The following NEK10 variants were observed in gnomAD, a reference collection of about 807,000 sequenced individuals.
NEK10 encodes serine/threonine-protein kinase Nek10.
Under a neutral mutation model 159.8 loss-of-function variants are expected in NEK10, and 122 were observed. The observed-to-expected ratio is 0.76, with a 90% CI of 0.66 to 0.89. NEK10 has a LOEUF of 0.89. NEK10 is among the 40% of genes least tolerant of loss of function. The probability of loss-of-function intolerance (pLI) is 0.00; values close to 1 mark genes in which losing one functional copy is unlikely to be tolerated. For missense variants in NEK10, 1,342 were observed against 1,323.1 expected (o/e 1.01, Z -0.22); for synonymous variants, 466 against 457.1 (o/e 1.02, Z -0.25).
At chr3:27,199,784 A>C (rs887215149) in intron 25 of NEK10, among the ~76,000 whole-genome samples, 1 of 152,236 alleles carries the variant, frequency 6.6e-6, no homozygotes, top group African/African-American at 2.4e-5. Flanking sequence ...AGCCATAAAA[A>C]GCAACAACAT....
intron 5 of NEK10, among the ~76,000 whole-genome samples, chr3:27,338,459 G>C (rs1328240155): frequency 6.6e-6 from 1 of 152,192 alleles, no homozygotes; most frequent in South Asian, 2.1e-4. Flanking sequence ...CAGTAATGGG[G>C]ATTGCTGGGT....
chr3:27,173,124 GTTAT>G (rs1339614946), intron 28 of NEK10, among the ~76,000 whole-genome samples: 2 of 152,220 alleles, frequency 1.3e-5, no homozygotes, highest in Non-Finnish European at 2.9e-5. Flanking sequence ...GTTACAAATT[GTTAT>G]TTATTTGTCA....
intron 26 of NEK10, among the ~76,000 whole-genome samples, chr3:27,190,648 C>T (rs1217527663): frequency 6.6e-6 from 1 of 152,150 alleles, no homozygotes. Context: ...ATGACTCTTT[C>T]ACATACAACT....
chr3:27,260,912 C>T (rs932189463), intron 22 of NEK10, among the ~76,000 whole-genome samples: 4 of 152,130 alleles, frequency 2.6e-5, no homozygotes, highest in African/African-American at 4.8e-5. Flanking sequence ...TGTTATTGGT[C>T]TATTCAGAGA....
At chr3:27,131,215 C>A (rs1348300497) in intron 32 of NEK10, among the ~76,000 whole-genome samples, 1 of 152,096 alleles carries the variant, frequency 6.6e-6, no homozygotes, top group Non-Finnish European at 1.5e-5. Flanking sequence ...CTAGGTGGGC[C>A]TGAATTGCTT....
At chr3:27,112,269 T>C (rs1939678071) in intron 35 of NEK10, among the ~76,000 whole-genome samples, 1 of 152,200 alleles carries the variant, frequency 6.6e-6, no homozygotes, top group African/African-American at 2.4e-5. Flanking sequence ...GGCACCTCTC[T>C]ATTCTCTTCC....
intron 1 of NEK10, among the ~76,000 whole-genome samples, chr3:27,367,048 G>T (rs763697369): frequency 2.6e-5 from 4 of 152,098 alleles, no homozygotes; most frequent in African/African-American, 4.8e-5. Context: ...GACCTCAGGT[G>T]ATCCACCCAC....
At chr3:27,124,363 T>C (rs1291221814) in intron 32 of NEK10, among the ~76,000 whole-genome samples, 2 of 152,042 alleles carry the variant, frequency 1.3e-5, no homozygotes, top group Non-Finnish European at 2.9e-5. Flanking sequence ...AAGGAAGGAA[T>C]GGATATGGAA....
At chr3:27,361,568 G>A (rs553022015) in intron 1 of NEK10, among the ~76,000 whole-genome samples, 5 of 152,240 alleles carry the variant, frequency 3.3e-5, no homozygotes, top group Admixed American at 2.6e-4. Flanking sequence ...ATTACTCCAA[G>A]AAATATTTAT....
intron 5 of NEK10, among the ~76,000 whole-genome samples, chr3:27,333,581 A>C (rs1020561893): frequency 6.6e-6 from 1 of 151,770 alleles, no homozygotes; most frequent in Non-Finnish European, 1.5e-5. Context: ...TCTTCAATAG[A>C]CTGAATGCTA....
chr3:27,235,774 G>A (rs1953840619), intron 23 of NEK10, among the ~76,000 whole-genome samples: 1 of 151,976 alleles, frequency 6.6e-6, no homozygotes, highest in African/African-American at 2.4e-5. Flanking sequence ...TATACCCAAA[G>A]GAATAGAAAT....
intron 31 of NEK10, among the ~76,000 whole-genome samples, chr3:27,139,294 C>A (rs145452276): frequency 6.6e-6 from 1 of 152,280 alleles, no homozygotes; most frequent in Non-Finnish European, 1.5e-5. Context: ...CACTCTGTGT[C>A]TGAGAACATG....
chr3:27,115,014 C>T (rs970298545), intron 35 of NEK10, among the ~76,000 whole-genome samples: 2 of 152,188 alleles, frequency 1.3e-5, no homozygotes, highest in Non-Finnish European at 2.9e-5. Flanking sequence ...AATACCTGCA[C>T]TTCTTTTCCT....
intron 22 of NEK10, among the ~76,000 whole-genome samples, chr3:27,284,112 A>G (rs955255108): frequency 1.3e-5 from 2 of 152,166 alleles, no homozygotes; most frequent in Non-Finnish European, 2.9e-5. Flanking sequence ...TTGGCCGGGC[A>G]TTGGGGCTCA....
chr3:27,227,589 T>A (rs964640593), intron 23 of NEK10, among the ~76,000 whole-genome samples: 1 of 152,168 alleles, frequency 6.6e-6, no homozygotes, highest in Non-Finnish European at 1.5e-5. Flanking sequence ...TGCTCTGCTG[T>A]TCCCTACTGA....
chr3:27,210,195 A>C (rs1326425637), intron 23 of NEK10, among the ~76,000 whole-genome samples: 1 of 152,174 alleles, frequency 6.6e-6, no homozygotes, highest in African/African-American at 2.4e-5. Context: ...ACAATTCTGG[A>C]GGCTGAAAAT....
intron 23 of NEK10, among the ~76,000 whole-genome samples, chr3:27,206,109 T>A (rs567081529): frequency 6.6e-6 from 1 of 152,352 alleles, no homozygotes; most frequent in Non-Finnish European, 1.5e-5. Context: ...ACAGGCCACA[T>A]TTTCTAATAC....
At position 27,174,651 on chromosome 3, in the gene NEK10, T is replaced by C. The variant is rs779139128; in HGVS notation, c.2688A>G (p.Lys896=). ...TTGACACACTGCCACTAGCAGTACCTTTCTCAGCATTTTCCAGGTTGAAGT... is the reference window on the plus strand; with the variant it reads ...TTGACACACTGCCACTAGCAGTACCCTTCTCAGCATTTTCCAGGTTGAAGT... ...DDNFNLENAE[K]DTYSEVDDEL... The change falls in exon 27 of 36, where the codon AAA becomes AAG. Residue 896 remains lysine (K), a splice_region_variant and synonymous_variant. Coordinates refer to ENST00000691995, the MANE Select transcript of NEK10 (RefSeq NM_001394966.1). 3 of 1,608,884 alleles carry C rather than the reference T, an allele frequency of 1.9e-6. No individual in the cohort carries two copies. Among genetic ancestry groups the C allele is most frequent in the East Asian group, 4.5e-5 (2 of 44,836 alleles).
chr3:27,293,888 C>T (rs1306863585), intron 15 of NEK10, among the ~76,000 whole-genome samples: 1 of 152,200 alleles, frequency 6.6e-6, no homozygotes, highest in African/African-American at 2.4e-5. Flanking sequence ...TCACTTGGTA[C>T]TCGTCATTAA....
Sources: allele counts gnomAD v4.1 joint callset (sites outside exome capture counted in the v4.1 genomes callset), GRCh38; gene constraint gnomAD v4.1.1; transcripts MANE v1.5; gene names NCBI Gene and HGNC (gene_info 2026-07-23, HGNC 2026-07-21).